The following CACNA2D3 variants were observed in gnomAD, a reference collection of about 807,000 sequenced individuals.
CACNA2D3 encodes voltage-dependent calcium channel subunit alpha-2/delta-3.
In CACNA2D3, 60 loss-of-function variants were observed where a neutral mutation model predicts 160.6. The ratio of observed to expected loss-of-function variants is 0.37; its 90% CI spans 0.30 to 0.46. The LOEUF (loss-of-function observed/expected upper bound fraction) is 0.46. Ranked by LOEUF, CACNA2D3 falls within the 20% of genes least tolerant of loss-of-function variation. The pLI, the probability that CACNA2D3 is intolerant of heterozygous loss-of-function variation, is 1.00. For missense variants in CACNA2D3, 1,205 were observed against 1,365.0 expected, an observed-to-expected ratio of 0.88 and a Z score of 1.85; for synonymous variants, 558 against 492.9, an observed-to-expected ratio of 1.13 and a Z score of -1.75.
intron 5 of CACNA2D3, among the ~76,000 whole-genome samples, chr3:54,533,468 G>A (rs999324782): frequency 2.0e-5 from 3 of 151,250 alleles, no homozygotes; most frequent in Non-Finnish European, 4.4e-5. Flanking sequence ...CCAAGTAGCT[G>A]GGATTATAGG....
At chr3:54,617,174 GT>G (rs1452409041) in intron 9 of CACNA2D3, among the ~76,000 whole-genome samples, 1 of 152,154 alleles carries the variant, frequency 6.6e-6, no homozygotes, top group Non-Finnish European at 1.5e-5. Flanking sequence ...AAGTGCATGT[GT>G]TTTGGCACAC....
chr3:54,342,076 G>A (rs1698363441), intron 3 of CACNA2D3, among the ~76,000 whole-genome samples: 1 of 152,146 alleles, frequency 6.6e-6, no homozygotes, highest in African/African-American at 2.4e-5. Flanking sequence ...AGAATACACA[G>A]TTGGCAAGTG....
intron 14 of CACNA2D3, among the ~76,000 whole-genome samples, chr3:54,829,756 A>T (rs1353724205): frequency 6.6e-6 from 1 of 152,048 alleles, no homozygotes; most frequent in African/African-American, 2.4e-5. Context: ...GAGAGGTGAA[A>T]GTGCCAAGGA....
chr3:54,221,214 A>G (rs758654130), intron 2 of CACNA2D3, among the ~76,000 whole-genome samples: 2 of 152,216 alleles, frequency 1.3e-5, no homozygotes. Flanking sequence ...ATTAAAATCC[A>G]TGAGTCTTTG....
chr3:54,442,310 TC>T (rs1447382467), intron 4 of CACNA2D3, among the ~76,000 whole-genome samples: 1 of 152,140 alleles, frequency 6.6e-6, no homozygotes, highest in African/African-American at 2.4e-5. Flanking sequence ...GAATGCTTCT[TC>T]CATCACATAA....
At chr3:54,150,582 G>A (rs1187540837) in intron 2 of CACNA2D3, among the ~76,000 whole-genome samples, 1 of 152,146 alleles carries the variant, frequency 6.6e-6, no homozygotes, top group Non-Finnish European at 1.5e-5. Flanking sequence ...TTGGGACATG[G>A]TAAATCCTCA....
intron 27 of CACNA2D3, among the ~76,000 whole-genome samples, chr3:54,920,403 A>C (rs1700808505): frequency 6.7e-6 from 1 of 149,490 alleles, no homozygotes; most frequent in Admixed American, 6.6e-5. Context: ...TTAAAACTGA[A>C]TCACCCACCA....
chr3:54,687,135 G>GTTTTTTTTTT (rs1290353261), intron 11 of CACNA2D3, among the ~76,000 whole-genome samples: 5 of 88,896 alleles, frequency 5.6e-5, no homozygotes, highest in Non-Finnish European at 1.1e-4. Flanking sequence ...TTTTTTTTTT[G>GTTTTTTTTTT]TTTTTTTTTT....
intron 2 of CACNA2D3, among the ~76,000 whole-genome samples, chr3:54,177,285 C>T (rs762489470): frequency 2.6e-5 from 4 of 152,128 alleles, no homozygotes; most frequent in Non-Finnish European, 5.9e-5. Context: ...CAATTTCAGC[C>T]TTTAAATTCC....
intron 9 of CACNA2D3, among the ~76,000 whole-genome samples, chr3:54,608,963 C>G (rs998691093): frequency 2.6e-5 from 4 of 152,114 alleles, no homozygotes; most frequent in Non-Finnish European, 5.9e-5. Flanking sequence ...CGTCTGTTTT[C>G]TTAACTACAA....
At chr3:54,922,208 C>T (rs1050681574) in intron 27 of CACNA2D3, among the ~76,000 whole-genome samples, 1 of 152,100 alleles carries the variant, frequency 6.6e-6, no homozygotes, top group African/African-American at 2.4e-5. Context: ...TCTGGTGACA[C>T]TGAGTGCTAG....
rs968880468 is a variant in CACNA2D3 at position 54,512,903 on chromosome 3, G to A, written c.544+9249G>A. On this transcript the variant is annotated intron_variant, in intron 5 of 37. Transcript: ENST00000474759. Reference sequence around the variant, plus strand: ...GCTGGGGAGGCCTCACAGTCATGGCGGAAGGCAAGGAGGAGCAAGTCACAT... The same window carrying A: ...GCTGGGGAGGCCTCACAGTCATGGCAGAAGGCAAGGAGGAGCAAGTCACAT... Among the ~76,000 whole-genome samples the A allele has an allele frequency of 6.6e-5, 10 of 152,284 alleles. 1 individual carries two copies. The highest frequency in any genetic ancestry group is 4.1e-4 in the South Asian group (2 of 4,824).
chr3:54,298,813 A>G (rs1412253850), intron 2 of CACNA2D3, among the ~76,000 whole-genome samples: 1 of 89,722 alleles, frequency 1.1e-5, no homozygotes, highest in African/African-American at 3.6e-5. Context: ...GTGGCTCCAG[A>G]AGGCAGTGGC....
intron 5 of CACNA2D3, among the ~76,000 whole-genome samples, chr3:54,509,636 C>T (rs1241863306): frequency 1.3e-5 from 2 of 152,144 alleles, no homozygotes; most frequent in East Asian, 3.9e-4. Flanking sequence ...GCCCAGGAAA[C>T]TTTCCCAAGA....
chr3:54,250,148 G>C (rs1702159565), intron 2 of CACNA2D3, among the ~76,000 whole-genome samples: 1 of 152,124 alleles, frequency 6.6e-6, no homozygotes, highest in Non-Finnish European at 1.5e-5. Flanking sequence ...GGTTGACTTT[G>C]TTCTAATGTA....
At chr3:54,187,393 G>A (rs990382698) in intron 2 of CACNA2D3, among the ~76,000 whole-genome samples, 2 of 152,148 alleles carry the variant, frequency 1.3e-5, no homozygotes, top group Admixed American at 6.5e-5. Flanking sequence ...ATTGAACACC[G>A]CACTTGTGTT....
At chr3:54,214,802 A>G (rs1030319261) in intron 2 of CACNA2D3, among the ~76,000 whole-genome samples, 5 of 152,174 alleles carry the variant, frequency 3.3e-5, no homozygotes, top group Non-Finnish European at 7.3e-5. Context: ...TCACACCAAA[A>G]TACTGGTAGT....
At chr3:54,522,673 G>A (rs913372318) in intron 5 of CACNA2D3, among the ~76,000 whole-genome samples, 7 of 152,124 alleles carry the variant, frequency 4.6e-5, no homozygotes, top group African/African-American at 1.7e-4. Context: ...CATGGCAGGA[G>A]GCTGAAGGGC....
intron 17 of CACNA2D3, among the ~76,000 whole-genome samples, chr3:54,852,486 C>T (rs1575511674): frequency 6.6e-6 from 1 of 152,136 alleles, no homozygotes; most frequent in Admixed American, 6.5e-5. Flanking sequence ...CAAGAGTCCT[C>T]GCACCTCCGC....
Sources: allele counts gnomAD v4.1 joint callset (sites outside exome capture counted in the v4.1 genomes callset), GRCh38; gene constraint gnomAD v4.1.1; transcripts MANE v1.5; gene names NCBI Gene and HGNC (gene_info 2026-07-23, HGNC 2026-07-21).